Variants in NT5DC1 observed in about 807,000 individuals in gnomAD.
NT5DC1 encodes the protein 5'-nucleotidase domain containing 1, also known as 5'-nucleotidase domain-containing protein 1.
Under a neutral mutation model 59.4 loss-of-function variants are expected in NT5DC1, and 42 were observed. The ratio of observed to expected loss-of-function variants is 0.71; its 90% CI spans 0.55 to 0.92. The LOEUF (loss-of-function observed/expected upper bound fraction) is 0.92, where lower values mean the gene tolerates loss of function less well. Ranked by LOEUF, NT5DC1 falls within the 40% of genes least tolerant of loss-of-function variation. NT5DC1 has a pLI of 0.00. For missense variants in NT5DC1, 501 were observed against 537.1 expected, an observed-to-expected ratio of 0.93 and a Z score of 0.66; for synonymous variants, 172 against 188.1, an observed-to-expected ratio of 0.91 and a Z score of 0.70.
At chr6:116,225,957 TGCTAAGCA>T (rs1187096685) in intron 8 of NT5DC1, among the ~76,000 whole-genome samples, 1 of 152,136 alleles carries the variant, frequency 6.6e-6, no homozygotes, top group Non-Finnish European at 1.5e-5. Flanking sequence ...CTGGGTGTGC[TGCTAAGCA>T]GCCTACAGCA....
At chr6:116,101,756 A>G (rs1430849392) in intron 1 of NT5DC1, among the ~76,000 whole-genome samples, 1 of 152,106 alleles carries the variant, frequency 6.6e-6, no homozygotes, top group Non-Finnish European at 1.5e-5. Context: ...TGTACACTCA[A>G]ATTAATTGCC....
At chr6:116,135,893 CT>C (rs1384121443) in intron 6 of NT5DC1, among the ~76,000 whole-genome samples, 2 of 131,254 alleles carry the variant, frequency 1.5e-5, no homozygotes, top group East Asian at 4.9e-4. Flanking sequence ...ACACACATTG[CT>C]AAATGGTTAC....
At chr6:116,177,680 G>C (rs898515739) in intron 6 of NT5DC1, among the ~76,000 whole-genome samples, 2 of 152,080 alleles carry the variant, frequency 1.3e-5, no homozygotes, top group Non-Finnish European at 2.9e-5. Context: ...AAGAGATAAT[G>C]TATCAAAATA....
At chr6:116,146,325 T>A (rs1174159087) in intron 6 of NT5DC1, among the ~76,000 whole-genome samples, 1 of 152,216 alleles carries the variant, frequency 6.6e-6, no homozygotes, top group Non-Finnish European at 1.5e-5. Context: ...GGCGTCAACC[T>A]GTGATTTTTA....
At chr6:116,202,491 T>A (rs1451685072) in intron 6 of NT5DC1, among the ~76,000 whole-genome samples, 1 of 152,036 alleles carries the variant, frequency 6.6e-6, no homozygotes, top group Non-Finnish European at 1.5e-5. Flanking sequence ...GTTTCAACCT[T>A]TAGAAAATTA....
chr6:116,109,844 T>A (rs752992490), intron 3 of NT5DC1, among the ~76,000 whole-genome samples: 2 of 152,228 alleles, frequency 1.3e-5, no homozygotes, highest in African/African-American at 2.4e-5. Flanking sequence ...TCAATCATTA[T>A]AATTTCTCAT....
intron 3 of NT5DC1, among the ~76,000 whole-genome samples, chr6:116,110,384 G>A (rs570536262): frequency 4.6e-5 from 7 of 152,236 alleles, no homozygotes; most frequent in South Asian, 2.1e-4. Flanking sequence ...ACAGTCCTGC[G>A]TGCTCACAAT....
intron 4 of NT5DC1, 79 bp from the exon 5 acceptor site, chr6:116,115,612 C>T (rs753858966): frequency 1.5e-6 from 1 of 687,210 alleles, no homozygotes; most frequent in Admixed American, 2.2e-5. Flanking sequence ...AATCTAGTGT[C>T]TCTTCAGCCA....
chr6:116,238,884 A>T, intron 10 of NT5DC1, 71 bp from the exon 11 acceptor site: 1 of 988,272 alleles, frequency 1.0e-6, no homozygotes, highest in Non-Finnish European at 1.6e-6. Flanking sequence ...TTATTTACTT[A>T]ATAGACAAAA....
intron 6 of NT5DC1, among the ~76,000 whole-genome samples, chr6:116,168,355 C>G (rs1780524831): frequency 6.6e-6 from 1 of 151,912 alleles, no homozygotes; most frequent in South Asian, 2.1e-4. Flanking sequence ...ATTCTCTCTT[C>G]AGTTGCGTCT....
chr6:116,183,891 T>C (rs1199906053), intron 6 of NT5DC1, among the ~76,000 whole-genome samples: 1 of 152,096 alleles, frequency 6.6e-6, no homozygotes. Flanking sequence ...TACCCTTTAG[T>C]TCTTTCTCTT....
rs1265782435 is a variant in NT5DC1 at position 116,247,433 on chromosome 6, T to C, written c.*3409T>C. On this transcript the variant is annotated 3_prime_UTR_variant, in exon 12 of 12. Coordinates refer to ENST00000319550, the MANE Select transcript of NT5DC1 (RefSeq NM_152729.3). Reference sequence around the variant, plus strand: ...ACTCTTTCTTCATATTCTGGGTTAATGTTCACCTTGACTGCTTGGTAAATT... The same window carrying C: ...ACTCTTTCTTCATATTCTGGGTTAACGTTCACCTTGACTGCTTGGTAAATT... 2.6e-5 allele frequency: 4 copies of C among 152,198 alleles called. No individual in the cohort carries two copies. The highest frequency in any genetic ancestry group is 4.4e-5 in the Non-Finnish European group (3 of 68,012). The allele number at this position is 152,198 out of a possible 1,614,324, so 9.4% of individuals were successfully genotyped here. A position where few individuals can be genotyped will look rare whatever the true frequency, so the allele number is the denominator to read the frequency against.
intron 6 of NT5DC1, among the ~76,000 whole-genome samples, chr6:116,146,535 AAAGT>A (rs1779901016): frequency 6.6e-6 from 1 of 152,216 alleles, no homozygotes; most frequent in Non-Finnish European, 1.5e-5. Flanking sequence ...TTAACAAAAG[AAAGT>A]ATGTGCCAGG....
rs190041231 is a variant in NT5DC1, at chr6:116,249,068, G to A, written c.*5044G>A. On this transcript the variant is annotated 3_prime_UTR_variant, in exon 12 of 12. Coordinates refer to ENST00000319550, the MANE Select transcript of NT5DC1 (RefSeq NM_152729.3). ...AAAGGTATAATAAAGCTTGAAACAGGTGGCTGACAATGCAGAAATCAATCA... is the reference window on the plus strand; with the variant it reads ...AAAGGTATAATAAAGCTTGAAACAGATGGCTGACAATGCAGAAATCAATCA... 1.3e-5 allele frequency: 2 copies of A among 152,188 alleles called. No individual in the cohort carries two copies. Among genetic ancestry groups the A allele is most frequent in the South Asian group, 2.1e-4 (1 of 4,830 alleles). 9.4% of individuals were successfully genotyped at this position (152,188 alleles called of 1,614,324 possible). A position where few individuals can be genotyped will look rare whatever the true frequency, so the allele number is the denominator to read the frequency against.
chr6:116,116,461 G>A (rs1424221226), intron 5 of NT5DC1, among the ~76,000 whole-genome samples: 1 of 152,130 alleles, frequency 6.6e-6, no homozygotes, highest in Non-Finnish European at 1.5e-5. Flanking sequence ...GGCCAATATG[G>A]TGAAACCTTG....
chr6:116,203,634 C>T (rs757634868), intron 6 of NT5DC1, among the ~76,000 whole-genome samples: 9 of 151,754 alleles, frequency 5.9e-5, no homozygotes, highest in African/African-American at 1.2e-4. Context: ...CCTTGGTAGA[C>T]GTGAGTTAAT....
intron 6 of NT5DC1, among the ~76,000 whole-genome samples, chr6:116,220,334 G>A (rs1054952621): frequency 6.6e-6 from 1 of 152,032 alleles, no homozygotes; most frequent in Admixed American, 6.5e-5. Context: ...CTATGGGTAA[G>A]TCTGGTCAGG....
chr6:116,127,450 A>G (rs923093594), intron 6 of NT5DC1, among the ~76,000 whole-genome samples: 14 of 152,152 alleles, frequency 9.2e-5, no homozygotes, highest in African/African-American at 3.4e-4. Context: ...CATATAAAAT[A>G]TGTTTCTTAT....
rs148409591 is a variant in NT5DC1 at position 116,209,856 on chromosome 6, G to A, written c.530-11198G>A. On this transcript the variant is annotated intron_variant, in intron 6 of 11. Transcript: ENST00000319550. ...TAGCTAAACAGGCATACCATTTAAA[G>A]CATTTGATTTCTGCTTCTGAACGCA... Among the ~76,000 whole-genome samples, 17 of 151,988 alleles carry A rather than the reference G, an allele frequency of 1.1e-4. No individual in the cohort carries two copies. In the East Asian group the frequency reaches 3.3e-3, roughly 30 times the overall value.
Sources: allele counts gnomAD v4.1 joint callset (sites outside exome capture counted in the v4.1 genomes callset), GRCh38; gene constraint gnomAD v4.1.1; transcripts MANE v1.5; gene names NCBI Gene and HGNC (gene_info 2026-07-23, HGNC 2026-07-21).